Variants in SH3GL2 observed in about 807,000 individuals in gnomAD.
SH3GL2 encodes endophilin-A1.
Under a neutral mutation model 46.0 loss-of-function variants are expected in SH3GL2, and 24 were observed. The ratio of observed to expected loss-of-function variants is 0.52; its 90% CI spans 0.38 to 0.73. The LOEUF is 0.73. Ranked by LOEUF, SH3GL2 falls within the 30% of genes least tolerant of loss-of-function variation. The pLI is 0.00. For synonymous variants in SH3GL2, 196 were observed against 147.1 expected (o/e 1.33, Z -2.40); for missense variants, 413 against 424.2 (o/e 0.97, Z 0.23).
chr9:17,632,462 A>G (rs1459591610), intron 1 of SH3GL2, among the ~76,000 whole-genome samples: 2 of 152,162 alleles, frequency 1.3e-5, no homozygotes, highest in Admixed American at 6.5e-5. Context: ...TGTCACTGTC[A>G]AAGCTACATA....
Position 17,594,587 on chromosome 9 carries a change from G to A in SH3GL2, c.45+15300G>A, listed in dbSNP as rs543147674. Among the ~76,000 whole-genome samples, 159 of 152,154 alleles carry A rather than the reference G, an allele frequency of 1.0e-3. 2 individuals are homozygous for A. The South Asian group carries it at 0.011, about 11-fold the overall frequency. On this transcript the variant is annotated intron_variant, in intron 1 of 8. Transcript: ENST00000380607. The stretch of plus-strand genomic sequence containing the variant: ...GGTGCACCGAACCACCATGGCACAT[G>A]TATACCTATGTAACAAACCTGCACG...
intron 1 of SH3GL2, among the ~76,000 whole-genome samples, chr9:17,683,385 T>C (rs988216182): frequency 1.3e-5 from 2 of 152,030 alleles, no homozygotes; most frequent in African/African-American, 2.4e-5. Context: ...ACCCTGTTTC[T>C]CTTGTGGAAC....
chr9:17,681,582 C>T (rs991495142), intron 1 of SH3GL2, among the ~76,000 whole-genome samples: 1 of 152,000 alleles, frequency 6.6e-6, no homozygotes, highest in Non-Finnish European at 1.5e-5. Context: ...AAATGTAAAA[C>T]CCCAAATCAT....
chr9:17,619,800 A>T (rs974516167), intron 1 of SH3GL2, among the ~76,000 whole-genome samples: 1 of 152,242 alleles, frequency 6.6e-6, no homozygotes, highest in South Asian at 2.1e-4. Flanking sequence ...ACATTTATGT[A>T]TAAATACTTA....
chr9:17,671,142 T>C (rs114774029), intron 1 of SH3GL2, among the ~76,000 whole-genome samples: 1,914 of 152,346 alleles, frequency 0.013, 19 homozygotes, highest in Middle Eastern at 0.024. Context: ...TATATGATGC[T>C]GGTATCTAAC....
intron 1 of SH3GL2, among the ~76,000 whole-genome samples, chr9:17,586,971 T>C (rs1223038532): frequency 6.6e-6 from 1 of 151,656 alleles, no homozygotes; most frequent in Non-Finnish European, 1.5e-5. Context: ...CTTTGGGAGG[T>C]CGAGGCAGGC....
intron 7 of SH3GL2, among the ~76,000 whole-genome samples, chr9:17,792,847 A>G (rs9407881): frequency 0.092 from 13,981 of 152,240 alleles, 1,231 homozygotes; most frequent in African/African-American, 0.23. Context: ...TAAAATTTAT[A>G]GTAATCAGTT....
intron 1 of SH3GL2, among the ~76,000 whole-genome samples, chr9:17,636,999 C>G (rs764666740): frequency 5.9e-5 from 9 of 152,192 alleles, no homozygotes; most frequent in Non-Finnish European, 1.0e-4. Flanking sequence ...GTTACTTGCT[C>G]TAACCTGCCA....
At chr9:17,604,340 G>T (rs1447234594) in intron 1 of SH3GL2, among the ~76,000 whole-genome samples, 1 of 152,224 alleles carries the variant, frequency 6.6e-6, no homozygotes, top group African/African-American at 2.4e-5. Context: ...TGTATAAAAT[G>T]GGAATAATGT....
intron 1 of SH3GL2, among the ~76,000 whole-genome samples, chr9:17,636,663 A>C (rs1382767779): frequency 1.3e-5 from 2 of 152,314 alleles, no homozygotes; most frequent in African/African-American, 4.8e-5. Flanking sequence ...AATAACCCTC[A>C]TCACCCTTAT....
intron 1 of SH3GL2, among the ~76,000 whole-genome samples, chr9:17,688,701 A>G (rs149304773): frequency 6.4e-4 from 97 of 152,240 alleles, no homozygotes; most frequent in African/African-American, 2.3e-3. Context: ...TCAAAGGGAT[A>G]CAGAAGCCAG....
At chr9:17,691,941 A>G (rs1821089278) in intron 1 of SH3GL2, among the ~76,000 whole-genome samples, 1 of 152,166 alleles carries the variant, frequency 6.6e-6, no homozygotes. Flanking sequence ...GAAGAAATGG[A>G]AGACGAGGAC....
At chr9:17,684,183 A>T (rs1820845156) in intron 1 of SH3GL2, among the ~76,000 whole-genome samples, 1 of 152,156 alleles carries the variant, frequency 6.6e-6, no homozygotes, top group Admixed American at 6.6e-5. Context: ...TAAAGGTTCT[A>T]AGTGGGAAAA....
At chr9:17,705,847 C>T (rs568510710) in intron 1 of SH3GL2, among the ~76,000 whole-genome samples, 59 of 152,022 alleles carry the variant, frequency 3.9e-4, no homozygotes, top group African/African-American at 1.3e-3. Flanking sequence ...CTACCTGTTA[C>T]GTACTGTGCC....
intron 1 of SH3GL2, among the ~76,000 whole-genome samples, chr9:17,594,942 T>C (rs1818544588): frequency 6.6e-6 from 1 of 152,220 alleles, no homozygotes; most frequent in Non-Finnish European, 1.5e-5. Context: ...CACCGATTTC[T>C]AAAAGTTAAT....
chr9:17,777,478 G>A (rs1166768012), intron 3 of SH3GL2, among the ~76,000 whole-genome samples: 5 of 152,004 alleles, frequency 3.3e-5, no homozygotes, highest in Admixed American at 6.6e-5. Context: ...ATTTTCCCCC[G>A]GAACCTCAGA....
chr9:17,633,872 A>G (rs375132154), intron 1 of SH3GL2, among the ~76,000 whole-genome samples: 1 of 152,186 alleles, frequency 6.6e-6, no homozygotes, highest in East Asian at 1.9e-4. Context: ...CCAAGTCCTT[A>G]AGGAAGCTAA....
chr9:17,738,626 T>TTATATATATATA (rs368436353), intron 1 of SH3GL2, among the ~76,000 whole-genome samples: 1,968 of 74,596 alleles, frequency 0.026, 99 homozygotes, highest in Admixed American at 0.065. Flanking sequence ...TCATGTGATT[T>TTATATATATATA]TATATATATA....
Position 17,580,150 on chromosome 9 carries a change from T to A in SH3GL2, c.45+863T>A, listed in dbSNP as rs534418946. Among the ~76,000 whole-genome samples the A allele has an allele frequency of 3.3e-5, 5 of 152,366 alleles. No individual in the cohort carries two copies. The East Asian group carries it at 9.6e-4, about 29-fold the overall frequency. ...GGCAAGTAAGCGAATACTTACGCTGTGACCTATTTCTTACATAATGTGTGT... is the reference window on the plus strand; with the variant it reads ...GGCAAGTAAGCGAATACTTACGCTGAGACCTATTTCTTACATAATGTGTGT... On this transcript the variant is annotated intron_variant, in intron 1 of 8. Coordinates refer to ENST00000380607, the MANE Select transcript of SH3GL2 (RefSeq NM_003026.5).
Sources: gnomAD v4.1 joint callset for allele counts (sites outside exome capture counted in the v4.1 genomes callset) on GRCh38, gnomAD v4.1.1 for gene constraint, MANE v1.5 for transcripts, NCBI Gene and HGNC (gene_info 2026-07-23, HGNC 2026-07-21) for gene names.